Variants in CSMD1 observed in about 807,000 individuals in gnomAD.
CSMD1 encodes CUB and Sushi multiple domains 1, also known as CUB and sushi domain-containing protein 1.
CSMD1 carries 213 observed loss-of-function variants against 417.5 expected under a neutral mutation model. The observed-to-expected ratio is 0.51, with a 90% CI of 0.46 to 0.57. The LOEUF (loss-of-function observed/expected upper bound fraction) is 0.57. Ranked by LOEUF, CSMD1 falls within the 20% of genes least tolerant of loss-of-function variation. CSMD1 has a pLI of 0.00. For synonymous variants in CSMD1, 2,862 were observed against 1,736.8 expected, an observed-to-expected ratio of 1.65 and a Z score of -16.11; for missense variants, 6,923 against 4,529.7, an observed-to-expected ratio of 1.53 and a Z score of -15.17.
At chr8:4,114,799 T>C (rs919409701) in intron 3 of CSMD1, among the ~76,000 whole-genome samples, 3 of 152,098 alleles carry the variant, frequency 2.0e-5, no homozygotes, top group Non-Finnish European at 2.9e-5. Flanking sequence ...GCAGATGTGG[T>C]AGAAATAGCG....
At chr8:4,004,432 T>C (rs1346170383) in intron 4 of CSMD1, among the ~76,000 whole-genome samples, 1 of 149,912 alleles carries the variant, frequency 6.7e-6, no homozygotes, top group Non-Finnish European at 1.5e-5. Context: ...TTTTTTTTTT[T>C]TTAAAGGAAA....
At chr8:4,659,737 T>A (rs937924582) in intron 1 of CSMD1, among the ~76,000 whole-genome samples, 10 of 152,150 alleles carry the variant, frequency 6.6e-5, no homozygotes, top group African/African-American at 2.2e-4. Flanking sequence ...TATACAACAT[T>A]GTGAATGTAC....
chr8:4,255,195 C>A (rs1184297521), intron 3 of CSMD1, among the ~76,000 whole-genome samples: 1 of 152,124 alleles, frequency 6.6e-6, no homozygotes, highest in African/African-American at 2.4e-5. Context: ...TGATGGGTGC[C>A]AACTAATTTT....
intron 1 of CSMD1, among the ~76,000 whole-genome samples, chr8:4,867,653 A>T (rs1802495733): frequency 6.6e-6 from 1 of 152,134 alleles, no homozygotes; most frequent in Non-Finnish European, 1.5e-5. Context: ...GATTGGAAAT[A>T]GAATGATGGT....
intron 5 of CSMD1, among the ~76,000 whole-genome samples, chr8:3,988,779 C>A (rs1394015248): frequency 6.6e-6 from 1 of 152,178 alleles, no homozygotes; most frequent in South Asian, 2.1e-4. Flanking sequence ...TGAAACAATG[C>A]TGATTATGGT....
At chr8:4,697,701 G>C (rs959082339) in intron 1 of CSMD1, among the ~76,000 whole-genome samples, 17 of 152,256 alleles carry the variant, frequency 1.1e-4, no homozygotes, top group Admixed American at 6.5e-4. Context: ...CTGGACATGA[G>C]AGTTCTGAAA....
At chr8:3,814,570 T>A (rs1353628790) in intron 5 of CSMD1, among the ~76,000 whole-genome samples, 1 of 152,174 alleles carries the variant, frequency 6.6e-6, no homozygotes, top group Non-Finnish European at 1.5e-5. Context: ...TGGATACCAC[T>A]TGCACCTAGT....
At chr8:4,945,426 A>G (rs1808300873) in intron 1 of CSMD1, among the ~76,000 whole-genome samples, 1 of 152,128 alleles carries the variant, frequency 6.6e-6, no homozygotes, top group African/African-American at 2.4e-5. Flanking sequence ...TTTTACCGCA[A>G]TTTAAAAAAA....
intron 1 of CSMD1, among the ~76,000 whole-genome samples, chr8:4,919,546 T>C (rs2117132329): frequency 6.6e-6 from 1 of 152,320 alleles, no homozygotes; most frequent in East Asian, 1.9e-4. Context: ...AGATCTTTCA[T>C]AAAATGTTGA....
chr8:4,458,947 A>G (rs560630419), intron 2 of CSMD1, among the ~76,000 whole-genome samples: 1 of 152,318 alleles, frequency 6.6e-6, no homozygotes, highest in South Asian at 2.1e-4. Flanking sequence ...TAAGCTTGTA[A>G]ACCAACGAGG....
chr8:4,564,718 G>C (rs1338999420), intron 2 of CSMD1, among the ~76,000 whole-genome samples: 1 of 152,186 alleles, frequency 6.6e-6, no homozygotes, highest in African/African-American at 2.4e-5. Context: ...CCTGATAATA[G>C]TGAGGGCATT....
chr8:3,417,873 G>A (rs753569634), intron 12 of CSMD1, among the ~76,000 whole-genome samples: 5 of 152,188 alleles, frequency 3.3e-5, no homozygotes, highest in South Asian at 2.1e-4. Flanking sequence ...CGGTATGGAC[G>A]TGGCACATGC....
At chr8:3,550,882 C>T (rs1007667272) in intron 10 of CSMD1, among the ~76,000 whole-genome samples, 2 of 152,198 alleles carry the variant, frequency 1.3e-5, no homozygotes, top group African/African-American at 4.8e-5. Context: ...TGTTGCCAAT[C>T]TCTGCTTCCA....
chr8:3,559,183 G>C (rs545144372), intron 10 of CSMD1, among the ~76,000 whole-genome samples: 6 of 152,294 alleles, frequency 3.9e-5, no homozygotes, highest in Admixed American at 1.3e-4. Context: ...TTAGCATATG[G>C]TATGTGTTTG....
At chr8:3,931,318 A>T (rs571809541) in intron 5 of CSMD1, among the ~76,000 whole-genome samples, 9 of 150,626 alleles carry the variant, frequency 6.0e-5, no homozygotes, top group African/African-American at 2.2e-4. Flanking sequence ...ATATTTAAGA[A>T]CTAGAAGTCA....
chr8:3,918,901 G>C (rs575172988), intron 5 of CSMD1, among the ~76,000 whole-genome samples: 1 of 151,490 alleles, frequency 6.6e-6, no homozygotes, highest in Admixed American at 6.6e-5. Context: ...GGGGGTGAAG[G>C]ATAAAAGACT....
At position 4,089,929 on chromosome 8, in the gene CSMD1, T is replaced by C. The variant is rs565404382; in HGVS notation, c.416-57830A>G. Among the ~76,000 whole-genome samples, 6 of 152,220 alleles carry C rather than the reference T, an allele frequency of 3.9e-5. No homozygotes were observed. In the East Asian group the frequency reaches 9.7e-4, roughly 25 times the overall value. On this transcript the variant is annotated intron_variant, in intron 3 of 69. Transcript: ENST00000635120. ...ATTGGAATGAACCGAGGAAAGAATA[T>C]TACATGTATTATTGTTGAATACGTT...
Position 3,141,888 on chromosome 8 carries a change from C to A in CSMD1, c.6241+577G>T, listed in dbSNP as rs992409676. ...TCTCTCCTCACTGCAAGCTCCGCCT[C>A]CCGGGTTCACGCCACTCTCCTGCCT... On this transcript the variant is annotated intron_variant, in intron 41 of 69. Transcript: ENST00000635120. Among the ~76,000 whole-genome samples the A allele has an allele frequency of 2.0e-5, 3 of 151,616 alleles. No homozygotes were observed. In the South Asian group the frequency reaches 6.3e-4, roughly 32 times the overall value.
At chr8:4,915,160 A>ATT (rs1169917866) in intron 1 of CSMD1, among the ~76,000 whole-genome samples, 3 of 152,202 alleles carry the variant, frequency 2.0e-5, no homozygotes, top group African/African-American at 4.8e-5. Flanking sequence ...CATGCTTATG[A>ATT]TTATATATAT....
Sources: gnomAD v4.1 joint callset for allele counts (sites outside exome capture counted in the v4.1 genomes callset) on GRCh38, gnomAD v4.1.1 for gene constraint, MANE v1.5 for transcripts, NCBI Gene and HGNC (gene_info 2026-07-23, HGNC 2026-07-21) for gene names.